QRFPR: variants seen among roughly 807,000 people sequenced by gnomAD.
QRFPR encodes pyroglutamylated RF-amide peptide receptor.
Under a neutral mutation model 31.3 loss-of-function variants are expected in QRFPR, and 37 were observed. The ratio of observed to expected loss-of-function variants is 1.18; its 90% CI spans 0.91 to 1.56. The LOEUF (loss-of-function observed/expected upper bound fraction) is 1.56, where lower values mean the gene tolerates loss of function less well. QRFPR is among the 40% of genes most tolerant of loss of function. The probability of loss-of-function intolerance (pLI) is 0.00; values close to 1 mark genes in which losing one functional copy is unlikely to be tolerated. For synonymous variants in QRFPR, 197 were observed against 192.0 expected, an observed-to-expected ratio of 1.03 and a Z score of -0.22; for missense variants, 542 against 532.5, an observed-to-expected ratio of 1.02 and a Z score of -0.18.
At chr4:121,341,971 T>C (rs1459635847) in intron 1 of QRFPR, among the ~76,000 whole-genome samples, 1 of 152,166 alleles carries the variant, frequency 6.6e-6, no homozygotes, top group Non-Finnish European at 1.5e-5. Context: ...ATGTGTCCAG[T>C]GGACTGGCTT....
At chr4:121,341,895 C>G (rs1725550079) in intron 1 of QRFPR, among the ~76,000 whole-genome samples, 1 of 152,154 alleles carries the variant, frequency 6.6e-6, no homozygotes, top group Admixed American at 6.5e-5. Context: ...GAATGCTCTT[C>G]CCTGAGATCA....
At chr4:121,357,391 A>C (rs1725890829) in intron 1 of QRFPR, among the ~76,000 whole-genome samples, 1 of 152,288 alleles carries the variant, frequency 6.6e-6, no homozygotes, top group East Asian at 1.9e-4. Context: ...AAGGCAGTCG[A>C]ATATTTCTGC....
intron 5 of QRFPR, 25 bp from the exon 6 acceptor site, chr4:121,329,739 T>C: frequency 7.1e-7 from 1 of 1,407,892 alleles, no homozygotes. Context: ...TATTTTAGAA[T>C]GTACGTTTAT....
In QRFPR at chr4:121,362,423, C is replaced by T. The variant is rs1233372568; in HGVS notation, c.340+17885G>A. 5.3e-5 allele frequency among the ~76,000 whole-genome samples: 8 copies of T among 149,534 alleles called. 2 individuals carry two copies. Among genetic ancestry groups the T allele is most frequent in the African/African-American group, 2.0e-4 (8 of 40,370 alleles). On this transcript the variant is annotated intron_variant, in intron 1 of 5. Coordinates refer to ENST00000394427, the MANE Select transcript of QRFPR (RefSeq NM_198179.3). ...ATAAAGTCTTTCTTTGGCATGTTGA[C>T]GTAAGAAAGGCAAAATCCCAGCAAG...
rs545414573 is a variant in QRFPR, at chr4:121,376,339, T to G, written c.340+3969A>C. ...GGTAAGGTGGATGAAAGGAATTGAA[T>G]GTCAGCTTGCCTCCATGCTGGGCAC... is the stretch of plus-strand genomic sequence containing the variant. On this transcript the variant is annotated intron_variant, in intron 1 of 5. Transcript: ENST00000394427. 7.9e-5 allele frequency among the ~76,000 whole-genome samples: 12 copies of G among 152,304 alleles called. No homozygotes were observed. The South Asian group carries it at 1.7e-3, about 21-fold the overall frequency.
chr4:121,350,954 T>A (rs1414668901), intron 1 of QRFPR, among the ~76,000 whole-genome samples: 1 of 152,168 alleles, frequency 6.6e-6, no homozygotes, highest in East Asian at 1.9e-4. Flanking sequence ...TTCTTCCAGG[T>A]TTCATTTATT....
rs1726087891 is a variant in QRFPR, at chr4:121,365,540, T to TAAA, written c.340+14767_340+14768insTTT. Among the ~76,000 whole-genome samples the TAAA allele has an allele frequency of 4.2e-4, 2 of 4,792 alleles. 1 individual carries two copies. Among genetic ancestry groups the TAAA allele is most frequent in the Non-Finnish European group, 5.8e-4 (2 of 3,434 alleles). The allele number at this position is 4,792 out of a possible 152,430, so 3.1% of individuals were successfully genotyped here. On this transcript the variant is annotated intron_variant, in intron 1 of 5. Coordinates refer to ENST00000394427, the MANE Select transcript of QRFPR (RefSeq NM_198179.3). ...TATTATATATATTATATATAATATA[T>TAAA]ATTATATATAATATATAATATATAT...
intron 1 of QRFPR, chr4:121,369,614 C>T (rs532472724): frequency 2.5e-5 from 40 of 1,610,704 alleles, no homozygotes; most frequent in South Asian, 2.2e-4. Context: ...CTGGGCTCCT[C>T]GGTAGGCCTG....
rs1725273737 is a variant in QRFPR, at chr4:121,329,341, C to G, written c.1269G>C (p.Glu423Asp). ...HLALFRSELA[E>D]NSPLDSGH The stretch of plus-strand genomic sequence containing the variant: ...AATGCCCACTGTCTAAAGGAGAATT[C>G]TCAGCCAGTTCAGACCTAAAGAGAG... The change falls in exon 6 of 6, where the codon GAG becomes GAC. Residue 423 changes from glutamate to aspartate, a missense_variant. Glu to Asp is a conservative substitution (Grantham distance 45, BLOSUM62 2). Transcript: ENST00000394427. The G allele has an allele frequency of 1.2e-6, 2 of 1,613,104 alleles. No individual in the cohort carries two copies. The highest frequency in any genetic ancestry group is 2.7e-5 in the African/African-American group (2 of 74,888).
chr4:121,339,844 A>G (rs1345227340), intron 2 of QRFPR, among the ~76,000 whole-genome samples: 1 of 152,040 alleles, frequency 6.6e-6, no homozygotes, highest in African/African-American at 2.4e-5. Context: ...GGTCCCAGCT[A>G]CTTGGGAGGC....
At chr4:121,369,904 T>C in intron 1 of QRFPR, 1 of 779,462 alleles carries the variant, frequency 1.3e-6, no homozygotes, top group Non-Finnish European at 2.4e-6. Context: ...GTGCTTCTGC[T>C]ACTCTAAGGT....
intron 1 of QRFPR, among the ~76,000 whole-genome samples, chr4:121,365,550 A>ATTAT (rs1560743676): frequency 0.014 from 109 of 7,918 alleles, 15 homozygotes; most frequent in African/African-American, 0.072. Context: ...TATTATATAT[A>ATTAT]ATATATAATA....
At position 121,378,703 on chromosome 4, in the gene QRFPR, G is replaced by A. The variant is rs571867884; in HGVS notation, c.340+1605C>T. 6.6e-5 allele frequency among the ~76,000 whole-genome samples: 10 copies of A among 152,176 alleles called. No individual in the cohort carries two copies. The South Asian group carries it at 1.7e-3, about 25-fold the overall frequency. On this transcript the variant is annotated intron_variant, in intron 1 of 5. Coordinates refer to ENST00000394427, the MANE Select transcript of QRFPR (RefSeq NM_198179.3). ...CTCCCAAAGTGTTGGGATTACAGGCGTGAGCCACCACGCCTGGCCAGACTC... is the reference window on the plus strand; with the variant it reads ...CTCCCAAAGTGTTGGGATTACAGGCATGAGCCACCACGCCTGGCCAGACTC...
chr4:121,334,286 G>T (rs2110467331), intron 3 of QRFPR, among the ~76,000 whole-genome samples: 1 of 152,310 alleles, frequency 6.6e-6, no homozygotes, highest in African/African-American at 2.4e-5. Context: ...GGTATGCTCA[G>T]ATGGTTTTAT....
chr4:121,373,262 C>T (rs547210342), intron 1 of QRFPR, among the ~76,000 whole-genome samples: 1 of 152,254 alleles, frequency 6.6e-6, no homozygotes, highest in African/African-American at 2.4e-5. Flanking sequence ...GTAAACTGTT[C>T]TTGTCCTAAG....
At chr4:121,377,507 C>T (rs564271856) in intron 1 of QRFPR, among the ~76,000 whole-genome samples, 5 of 151,848 alleles carry the variant, frequency 3.3e-5, no homozygotes, top group African/African-American at 4.8e-5. Flanking sequence ...ATGCCTTGCA[C>T]GGTATTCTTG....
At chr4:121,370,303 C>T in intron 1 of QRFPR, 1 of 775,316 alleles carries the variant, frequency 1.3e-6, no homozygotes, top group Non-Finnish European at 2.4e-6. Flanking sequence ...CCTAGAGGCC[C>T]ACTAGCCTCA....
chr4:121,370,876 TC>T (rs1726229156), intron 1 of QRFPR, among the ~76,000 whole-genome samples: 1 of 152,230 alleles, frequency 6.6e-6, no homozygotes, highest in Admixed American at 6.5e-5. Context: ...TAAAGCTTGA[TC>T]TAAAACCTGT....
At chr4:121,343,655 GT>G (rs200402935) in intron 1 of QRFPR, among the ~76,000 whole-genome samples, 1 of 152,000 alleles carries the variant, frequency 6.6e-6, no homozygotes, top group African/African-American at 2.4e-5. Flanking sequence ...TTTATCCTAG[GT>G]TTTTTTTCTC....
Sources: allele counts gnomAD v4.1 joint callset (sites outside exome capture counted in the v4.1 genomes callset), GRCh38; gene constraint gnomAD v4.1.1; transcripts MANE v1.5; gene names NCBI Gene and HGNC (gene_info 2026-07-23, HGNC 2026-07-21).